The following PLPP3 variants were observed in gnomAD, a reference collection of about 807,000 sequenced individuals.
PLPP3 encodes the protein PAP2 beta.
In PLPP3, 6 loss-of-function variants were observed where a neutral mutation model predicts 29.6. The observed-to-expected ratio is 0.20, with a 90% CI of 0.11 to 0.40. The LOEUF is 0.40. Among genes scored for constraint, PLPP3 ranks in the 10% least tolerant of loss-of-function variants. The probability of loss-of-function intolerance (pLI) is 1.00; values close to 1 mark genes in which losing one functional copy is unlikely to be tolerated. For synonymous variants in PLPP3, 152 were observed against 159.7 expected, an observed-to-expected ratio of 0.95 and a Z score of 0.36; for missense variants, 308 against 407.7, an observed-to-expected ratio of 0.76 and a Z score of 2.11.
chr1:56,504,852 G>A (rs191472215), intron 5 of PLPP3, among the ~76,000 whole-genome samples: 332 of 152,002 alleles, frequency 2.2e-3, no homozygotes, highest in African/African-American at 6.7e-3. Context: ...CCCAGCAGCC[G>A]TGCCCTTCTA....
chr1:56,555,451 A>AAAAAAAAAAAAAAAAAAAAAAAC (rs1557512819), intron 1 of PLPP3, among the ~76,000 whole-genome samples: 1 of 142,182 alleles, frequency 7.0e-6, no homozygotes, highest in Non-Finnish European at 1.5e-5. Context: ...AAAAAAAAAA[A>AAAAAAAAAAAAAAAAAAAAAAAC]AAAAAAAAAC....
rs373621719 is a variant in PLPP3, at chr1:56,551,314, C to A, written c.140-14202G>T. On this transcript the variant is annotated intron_variant, in intron 1 of 5. Transcript: ENST00000371250. ...TGGTTCGGTTCGGTTCGGTTCGGTT[C>A]GGTTCGGTTTGGTGGTGTGCAATTA... Among the ~76,000 whole-genome samples the A allele has an allele frequency of 1.5e-5, 2 of 133,630 alleles. 1 individual carries two copies. The highest frequency in any genetic ancestry group is 3.3e-5 in the Non-Finnish European group (2 of 60,330). The allele number at this position is 133,630 out of a possible 152,430, so 87.7% of individuals were successfully genotyped here.
chr1:56,511,004 T>C (rs1645737690), intron 5 of PLPP3, among the ~76,000 whole-genome samples: 1 of 152,162 alleles, frequency 6.6e-6, no homozygotes, highest in Non-Finnish European at 1.5e-5. Flanking sequence ...GATCTCTCTA[T>C]TGTTCATAAT....
chr1:56,545,202 T>C (rs922283063), intron 1 of PLPP3, among the ~76,000 whole-genome samples: 1 of 152,234 alleles, frequency 6.6e-6, no homozygotes. Context: ...CAAGATTTCA[T>C]ATTCCACTCC....
chr1:56,501,005 G>T (rs1645664009), intron 5 of PLPP3, among the ~76,000 whole-genome samples: 1 of 11,506 alleles, frequency 8.7e-5, no homozygotes, highest in Non-Finnish European at 1.5e-4. Context: ...CTCTGTCTCA[G>T]ACAAAAAAAA....
At chr1:56,555,468 C>CAAA (rs1646070629) in intron 1 of PLPP3, among the ~76,000 whole-genome samples, 1 of 66,190 alleles carries the variant, frequency 1.5e-5, no homozygotes, top group Non-Finnish European at 3.3e-5. Flanking sequence ...AAACAAAAAA[C>CAAA]AAACAAACAA....
rs553365858 is a variant in PLPP3 at position 56,496,308 on chromosome 1, T to C, written c.*243A>G. On this transcript the variant is annotated 3_prime_UTR_variant, in exon 6 of 6. Transcript: ENST00000371250. ...TGAACAAGCTGTGTTCACTAGAACA[T>C]GAACACTTAAACCAATTGCACATCC... 7 of 387,706 alleles carry C rather than the reference T, an allele frequency of 1.8e-5. No individual in the cohort carries two copies. Among genetic ancestry groups the C allele is most frequent in the African/African-American group, 1.2e-4 (6 of 48,768 alleles). 24.0% of individuals were successfully genotyped at this position (387,706 alleles called of 1,614,324 possible). A position where few individuals can be genotyped will look rare whatever the true frequency, so the allele number is the denominator to read the frequency against.
intron 1 of PLPP3, among the ~76,000 whole-genome samples, chr1:56,551,351 T>TC (rs1646038017): frequency 7.3e-6 from 1 of 136,120 alleles, no homozygotes. Context: ...CAGACCTAGA[T>TC]ACAAGTCCCT....
At chr1:56,563,812 T>C (rs1646145265) in intron 1 of PLPP3, among the ~76,000 whole-genome samples, 1 of 152,198 alleles carries the variant, frequency 6.6e-6, no homozygotes, top group Admixed American at 6.5e-5. Context: ...AGTGAGTTAA[T>C]AACGTATGAA....
chr1:56,538,185 A>G (rs1221283269), intron 1 of PLPP3, among the ~76,000 whole-genome samples: 4 of 152,188 alleles, frequency 2.6e-5, no homozygotes, highest in African/African-American at 4.8e-5. Context: ...AGGAGTTCCC[A>G]TGACCTGGAC....
intron 4 of PLPP3, among the ~76,000 whole-genome samples, chr1:56,517,665 G>A (rs907530691): frequency 1.2e-4 from 18 of 152,172 alleles, no homozygotes; most frequent in African/African-American, 3.9e-4. Context: ...GCACAGAACC[G>A]CCTGGCTTCC....
chr1:56,524,461 C>A lies in PLPP3; in HGVS notation c.391G>T (p.Gly131Cys). Residue 131 changes from glycine (G) to cysteine (C), a missense_variant, in exon 3 of 6, where the codon GGC (glycine) becomes TGC (cysteine). Transcript: ENST00000371250. This position sits in a 1 kb window ranked among gnomAD's most constrained non-coding sequence, Gnocchi z 4.3. The stretch of plus-strand genomic sequence containing the variant: ...ATGGCACAGCCAAAGAGGAAGCAGC[C>A]CACTTGCTTATAGAGTGCTGCCACG... ...PYVAALYKQVGCFLFGCAISQ... is the reference protein window; with the variant it reads ...PYVAALYKQVCCFLFGCAISQ... 1 of 1,614,038 alleles carries A rather than the reference C, an allele frequency of 6.2e-7. No homozygotes were observed. The highest frequency in any genetic ancestry group is 8.5e-7 in the Non-Finnish European group (1 of 1,179,946).
rs573420269 is a variant in PLPP3 at position 56,552,555 on chromosome 1, T to C, written c.140-15443A>G. ...ATTGTGTGCCAGGAGTGAGAAATAC[T>C]GAGATGAGTAAAACAGGGTTTCTGC... is the stretch of plus-strand genomic sequence containing the variant. On this transcript the variant is annotated intron_variant, in intron 1 of 5. Transcript: ENST00000371250. Among the ~76,000 whole-genome samples the C allele has an allele frequency of 2.6e-4, 39 of 152,322 alleles. No individual in the cohort carries two copies. In the South Asian group the frequency reaches 5.2e-3, roughly 20 times the overall value.
At chr1:56,534,110 C>T (rs191442331) in intron 2 of PLPP3, among the ~76,000 whole-genome samples, 50 of 152,250 alleles carry the variant, frequency 3.3e-4, no homozygotes, top group African/African-American at 1.1e-3. Context: ...AATCTTTGCC[C>T]ATGATACTCT....
chr1:56,513,872 C>A (rs1645762997), intron 4 of PLPP3: 1 of 151,734 alleles, frequency 6.6e-6, no homozygotes, highest in Admixed American at 6.6e-5. Context: ...AGGTAAAGGA[C>A]AATTTGAAGA....
chr1:56,554,569 C>A (rs1646061646), intron 1 of PLPP3, among the ~76,000 whole-genome samples: 1 of 133,118 alleles, frequency 7.5e-6, no homozygotes, highest in African/African-American at 2.7e-5. Context: ...AAGACTCCAT[C>A]TCAAAAAAAA....
rs1291344188 is a variant in PLPP3 at position 56,496,040 on chromosome 1, G to A, written c.*511C>T. 6.5e-6 allele frequency: 1 copy of A among 153,964 alleles called. No homozygotes were observed. The highest frequency in any genetic ancestry group is 1.4e-5 in the Non-Finnish European group (1 of 68,994). The allele number at this position is 153,964 out of a possible 1,614,324, so 9.5% of individuals were successfully genotyped here. On this transcript the variant is annotated 3_prime_UTR_variant, in exon 6 of 6. Transcript: ENST00000371250. ...TCTGATCACTTGACTGAGCAAACTT[G>A]CTCTTTCCTTTTATTTAAAACACAA...
rs1417971418 is a variant in PLPP3 at position 56,557,022 on chromosome 1, G to GAGAA, written c.140-19914_140-19911dup. 1.0e-2 allele frequency among the ~76,000 whole-genome samples: 130 copies of GAGAA among 13,044 alleles called. 11 individuals are homozygous for GAGAA. Among genetic ancestry groups the GAGAA allele is most frequent in the South Asian group, 0.04 (24 of 598 alleles). The allele number at this position is 13,044 out of a possible 152,430, so 8.6% of individuals were successfully genotyped here. A position where few individuals can be genotyped will look rare whatever the true frequency, so the allele number is the denominator to read the frequency against. ...AGAAAGAAAGAAAGAGAGAGAGAGAGAGAAAGAGAGAGAGAGAGAGAGAGA... is the reference window on the plus strand; with the variant it reads ...AGAAAGAAAGAAAGAGAGAGAGAGAGAGAAAGAAAGAGAGAGAGAGAGAGAGAGA... On this transcript the variant is annotated intron_variant, in intron 1 of 5. Transcript: ENST00000371250.
At chr1:56,503,016 G>GT (rs1645678588) in intron 5 of PLPP3, among the ~76,000 whole-genome samples, 1 of 152,112 alleles carries the variant, frequency 6.6e-6, no homozygotes, top group Non-Finnish European at 1.5e-5. Flanking sequence ...AAAGCCTTGG[G>GT]ACCTGGCTCA....
Sources: allele counts gnomAD v4.1 joint callset (sites outside exome capture counted in the v4.1 genomes callset), GRCh38; gene constraint gnomAD v4.1.1; non-coding constraint Gnocchi (gnomAD v3.1); transcripts MANE v1.5; gene names NCBI Gene and HGNC (gene_info 2026-07-23, HGNC 2026-07-21).